GPHN: variants seen among roughly 807,000 people sequenced by gnomAD.
The protein encoded by GPHN is gephyrin.
Under a neutral mutation model 95.5 loss-of-function variants are expected in GPHN, and 17 were observed. The ratio of observed to expected loss-of-function variants is 0.18; its 90% CI spans 0.12 to 0.27. The LOEUF is 0.27. GPHN is among the 10% of genes least tolerant of loss of function. The probability of loss-of-function intolerance (pLI) is 1.00; values close to 1 mark genes in which losing one functional copy is unlikely to be tolerated. For synonymous variants in GPHN, 320 were observed against 322.5 expected (o/e 0.99, Z 0.08); for missense variants, 660 against 978.1 (o/e 0.67, Z 4.34).
At chr14:67,250,125 T>A in the GPHN span, among the ~76,000 whole-genome samples, 3 of 149,426 alleles carry the variant, frequency 2.0e-5, no homozygotes, top group African/African-American at 7.7e-5. Context: ...ACCATTGATG[T>A]AGATAGACGA....
the GPHN span, chr14:67,359,867 G>T: frequency 1.4e-6 from 1 of 715,444 alleles, no homozygotes; most frequent in Non-Finnish European, 2.3e-6. Flanking sequence ...TCCGCTTCCG[G>T]TTGTCACAGG....
intron 9 of GPHN, among the ~76,000 whole-genome samples, chr14:67,008,652 C>T (rs2072774550): frequency 1.3e-5 from 2 of 151,964 alleles, no homozygotes; most frequent in African/African-American, 2.4e-5. Context: ...TCAAGCGATC[C>T]TCCCACCTCA....
the GPHN span, chr14:67,647,749 G>A: frequency 3.7e-6 from 1 of 268,838 alleles, no homozygotes; most frequent in East Asian, 7.2e-5. Context: ...TCTATTGACA[G>A]TTATTAGTAT....
intron 2 of GPHN, among the ~76,000 whole-genome samples, chr14:66,757,244 A>G (rs539740939): frequency 4.1e-4 from 62 of 152,226 alleles, no homozygotes; most frequent in Non-Finnish European, 7.9e-4. Flanking sequence ...ATTACATAAA[A>G]TCATCTTTTT....
intron 17 of GPHN, among the ~76,000 whole-genome samples, chr14:67,132,388 C>T (rs940861071): frequency 1.3e-5 from 2 of 152,134 alleles, no homozygotes; most frequent in Non-Finnish European, 2.9e-5. Flanking sequence ...ACTATCTGCT[C>T]TCCTTATGGC....
chr14:66,587,781 C>T (rs1416055814), intron 1 of GPHN, among the ~76,000 whole-genome samples: 2 of 152,206 alleles, frequency 1.3e-5, no homozygotes, highest in African/African-American at 2.4e-5. Context: ...GGACAGAGCA[C>T]CTGGGGGAAT....
the GPHN span, among the ~76,000 whole-genome samples, chr14:67,598,397 G>A: frequency 6.6e-6 from 1 of 152,160 alleles, no homozygotes; most frequent in South Asian, 2.1e-4. Flanking sequence ...TGGTATAAAG[G>A]AAAAGAAAGG....
intron 2 of GPHN, among the ~76,000 whole-genome samples, chr14:66,720,776 G>C (rs2070666820): frequency 1.3e-5 from 2 of 152,156 alleles, no homozygotes; most frequent in South Asian, 4.1e-4. Flanking sequence ...AACGCAAGTG[G>C]ATAGCTTGAG....
chr14:66,875,869 T>C (rs1376404625), intron 4 of GPHN, among the ~76,000 whole-genome samples: 6 of 151,892 alleles, frequency 4.0e-5, no homozygotes, highest in African/African-American at 1.5e-4. Flanking sequence ...ACAAGGATAT[T>C]TAGGACTTAC....
intron 2 of GPHN, among the ~76,000 whole-genome samples, chr14:66,735,707 ATTTTAT>A (rs1271077881): frequency 2.6e-5 from 4 of 152,078 alleles, no homozygotes; most frequent in African/African-American, 9.7e-5. Context: ...ATTTTATTTT[ATTTTAT>A]TTTTATGATT....
chr14:66,735,020 A>T (rs1323648987), intron 2 of GPHN, among the ~76,000 whole-genome samples: 1 of 152,186 alleles, frequency 6.6e-6, no homozygotes, highest in Non-Finnish European at 1.5e-5. Flanking sequence ...TTCTAAATGG[A>T]GTAAGTAATT....
the GPHN span, among the ~76,000 whole-genome samples, chr14:67,497,744 G>T: frequency 6.6e-6 from 1 of 151,976 alleles, no homozygotes; most frequent in Admixed American, 6.6e-5. Context: ...ACCAGGAATG[G>T]TTCAGCATTT....
chr14:66,857,373 A>G (rs1342553302), intron 4 of GPHN, among the ~76,000 whole-genome samples: 1 of 152,200 alleles, frequency 6.6e-6, no homozygotes, highest in South Asian at 2.1e-4. Flanking sequence ...TAAAAGAAAT[A>G]TGTTTCTGAA....
rs2072088522 is a variant in GPHN, at chr14:66,999,759, A to G, written c.964-23874A>G. On this transcript the variant is annotated intron_variant, in intron 9 of 22. Transcript: ENST00000478722. ...TCAAATCCTTTGAAAAGATTGCTTC[A>G]GAATTCCCTTAGTATAAACCAAAGC... is the stretch of plus-strand genomic sequence containing the variant. Among the ~76,000 whole-genome samples the G allele has an allele frequency of 2.6e-5, 4 of 151,906 alleles. 1 individual carries two copies. The highest frequency in any genetic ancestry group is 9.7e-5 in the African/African-American group (4 of 41,434).
In GPHN at chr14:66,704,842, A is replaced by G. The variant is rs531767186; in HGVS notation, c.143+23657A>G. ...GCAGAATTGAAGGAGATAGAGACAC[A>G]AAAACCCCTCCAAAAAAATCAGTTA... is the stretch of plus-strand genomic sequence containing the variant. On this transcript the variant is annotated intron_variant, in intron 2 of 22. Coordinates refer to ENST00000478722, the MANE Select transcript of GPHN (RefSeq NM_020806.5). Among the ~76,000 whole-genome samples, 133 of 152,304 alleles carry G rather than the reference A, an allele frequency of 8.7e-4. 1 individual carries two copies. The highest frequency in any genetic ancestry group is 1.6e-3 in the Non-Finnish European group (111 of 68,024).
chr14:67,174,516 C>T (rs147562762), intron 21 of GPHN, among the ~76,000 whole-genome samples: 8,187 of 152,136 alleles, frequency 0.054, 221 homozygotes, highest in Middle Eastern at 0.068. Flanking sequence ...GTCTTTGCTG[C>T]TGTGAATAGT....
chr14:67,548,487 C>T, the GPHN span, among the ~76,000 whole-genome samples: 2 of 152,250 alleles, frequency 1.3e-5, no homozygotes, highest in African/African-American at 4.8e-5. Context: ...CACCTGAGGT[C>T]GGGAGTTTGA....
chr14:66,953,758 C>T (rs1251856009), intron 8 of GPHN, among the ~76,000 whole-genome samples: 2 of 152,024 alleles, frequency 1.3e-5, no homozygotes, highest in Admixed American at 6.6e-5. Context: ...ATTAGCCTGA[C>T]ACGGTGGCTC....
chr14:66,668,972 C>G (rs1012697989), intron 1 of GPHN, among the ~76,000 whole-genome samples: 6 of 151,298 alleles, frequency 4.0e-5, no homozygotes, highest in African/African-American at 1.2e-4. Context: ...CCTCTGCCTC[C>G]CAGGTTCAAG....
Sources: gnomAD v4.1 joint callset for allele counts (sites outside exome capture counted in the v4.1 genomes callset) on GRCh38, gnomAD v4.1.1 for gene constraint, MANE v1.5 for transcripts, NCBI Gene and HGNC (gene_info 2026-07-23, HGNC 2026-07-21) for gene names.